Variants in NFIB observed in about 807,000 individuals in gnomAD.
NFIB encodes nuclear factor 1 B-type.
NFIB carries 11 observed loss-of-function variants against 61.5 expected under a neutral mutation model. The observed-to-expected ratio is 0.18, with a 90% CI of 0.11 to 0.30. The LOEUF (loss-of-function observed/expected upper bound fraction) is 0.30, where lower values mean the gene tolerates loss of function less well. Ranked by LOEUF, NFIB falls within the 10% of genes least tolerant of loss-of-function variation. The pLI, the probability that NFIB is intolerant of heterozygous loss-of-function variation, is 1.00. For missense variants in NFIB, 471 were observed against 608.9 expected, an observed-to-expected ratio of 0.77 and a Z score of 2.38; for synonymous variants, 260 against 216.5, an observed-to-expected ratio of 1.20 and a Z score of -1.76.
the NFIB span, among the ~76,000 whole-genome samples, chr9:14,453,779 A>G: frequency 6.6e-6 from 1 of 152,178 alleles, no homozygotes; most frequent in African/African-American, 2.4e-5. Flanking sequence ...AAATTTTTAT[A>G]ACAAAAAGAA....
At chr9:14,279,741 T>G (rs1338660379) in intron 2 of NFIB, among the ~76,000 whole-genome samples, 1 of 152,218 alleles carries the variant, frequency 6.6e-6, no homozygotes, top group African/African-American at 2.4e-5. Context: ...TATCTTATTA[T>G]GAACTGGTTG....
chr9:14,531,627 C>T, the NFIB span, among the ~76,000 whole-genome samples: 11 of 151,908 alleles, frequency 7.2e-5, no homozygotes, highest in Admixed American at 6.6e-4. Context: ...CTGACTGCCC[C>T]ACCTCCATCT....
At chr9:14,229,862 C>T (rs1057129136) in intron 2 of NFIB, among the ~76,000 whole-genome samples, 12 of 152,168 alleles carry the variant, frequency 7.9e-5, no homozygotes, top group Admixed American at 2.0e-4. Context: ...GATGCAATGG[C>T]GCGATCTCGG....
chr9:14,485,851 G>C, the NFIB span, among the ~76,000 whole-genome samples: 7 of 151,836 alleles, frequency 4.6e-5, no homozygotes, highest in South Asian at 1.5e-3. Context: ...CTCCAGCCTG[G>C]GTGACAGAGT....
chr9:14,277,238 A>C (rs989602904), intron 2 of NFIB, among the ~76,000 whole-genome samples: 4 of 152,174 alleles, frequency 2.6e-5, no homozygotes, highest in Non-Finnish European at 5.9e-5. Flanking sequence ...GAAATCCTCA[A>C]ATCCTCCAAA....
At chr9:14,115,742 A>G (rs1337537343) in intron 9 of NFIB, among the ~76,000 whole-genome samples, 1 of 152,210 alleles carries the variant, frequency 6.6e-6, no homozygotes. Context: ...CATAACCTAC[A>G]ATGATGTAAA....
chr9:14,436,640 A>G, the NFIB span, among the ~76,000 whole-genome samples: 2 of 152,224 alleles, frequency 1.3e-5, no homozygotes, highest in Non-Finnish European at 2.9e-5. Flanking sequence ...GGAAAAACCC[A>G]TGGGACCAAA....
At chr9:14,243,605 A>G (rs974751472) in intron 2 of NFIB, among the ~76,000 whole-genome samples, 1 of 117,354 alleles carries the variant, frequency 8.5e-6, no homozygotes, top group Non-Finnish European at 2.2e-5. Context: ...CTAATTGGGT[A>G]TTTTTTAAAA....
chr9:14,148,354 T>A (rs1209195542), intron 5 of NFIB, among the ~76,000 whole-genome samples: 1 of 152,074 alleles, frequency 6.6e-6, no homozygotes, highest in Non-Finnish European at 1.5e-5. Context: ...GTTCAAGTGA[T>A]CCTCCTGCCT....
chr9:14,122,674 T>C (rs1426940242), intron 7 of NFIB, among the ~76,000 whole-genome samples: 1 of 152,218 alleles, frequency 6.6e-6, no homozygotes, highest in African/African-American at 2.4e-5. Flanking sequence ...ATTTTAACCA[T>C]GATTTTTGCT....
chr9:14,133,335 T>C (rs1431405441), intron 6 of NFIB, among the ~76,000 whole-genome samples: 1 of 152,112 alleles, frequency 6.6e-6, no homozygotes, highest in Non-Finnish European at 1.5e-5. Flanking sequence ...AAGAGAAAAA[T>C]GAGCTTTAGC....
the NFIB span, among the ~76,000 whole-genome samples, chr9:14,465,391 G>T: frequency 6.6e-6 from 1 of 152,072 alleles, no homozygotes; most frequent in Non-Finnish European, 1.5e-5. Context: ...TAAATGGGAA[G>T]AACATATTTC....
chr9:14,220,027 G>A lies in NFIB; in HGVS notation c.563-40247C>T, dbSNP rs143301210. Among the ~76,000 whole-genome samples, 670 of 152,164 alleles carry A rather than the reference G, an allele frequency of 4.4e-3. 5 individuals are homozygous for A. The highest frequency in any genetic ancestry group is 0.015 in the African/African-American group (629 of 41,520). On this transcript the variant is annotated intron_variant, in intron 2 of 10. Transcript: ENST00000380953. ...GAGCGCATCAAAGCAACAGGCCCTC[G>A]TCCCTGGTAAACTGTAATCTAGGCG...
rs553562843 is a variant in NFIB at position 14,264,603 on chromosome 9, T to C, written c.562+42386A>G. Among the ~76,000 whole-genome samples, 9 of 152,286 alleles carry C rather than the reference T, an allele frequency of 5.9e-5. No homozygotes were observed. The South Asian group carries it at 1.9e-3, about 32-fold the overall frequency. ...ACCCAGATTACAGTAAGACAAAACT[T>C]TGCATTAACCATTCAAAGGGTCCGA... On this transcript the variant is annotated intron_variant, in intron 2 of 10. Transcript: ENST00000380953.
In NFIB at chr9:14,341,830, C is replaced by A. The variant is rs191861665; in HGVS notation, c.109-34310G>T. On this transcript the variant is annotated intron_variant, in intron 1 of 8. Transcript: ENST00000380934. ...AAAGAGAGGGAATCTCAGCAACAGT[C>A]GGGCTAGGACAGGCATCTCCATCAG... 7.2e-5 allele frequency among the ~76,000 whole-genome samples: 11 copies of A among 151,934 alleles called. No individual in the cohort carries two copies. In the East Asian group the frequency reaches 2.1e-3, roughly 30 times the overall value.
chr9:14,320,554 ACT>A (rs2060636814), intron 1 of NFIB, among the ~76,000 whole-genome samples: 1 of 152,042 alleles, frequency 6.6e-6, no homozygotes, highest in African/African-American at 2.4e-5. Context: ...TGTTTCACAA[ACT>A]CTTTGCAGTT....
At chr9:14,420,013 C>G in the NFIB span, among the ~76,000 whole-genome samples, 1 of 152,112 alleles carries the variant, frequency 6.6e-6, no homozygotes, top group African/African-American at 2.4e-5. Context: ...AGGTTGGGGA[C>G]AGGACCTGAT....
At chr9:14,208,439 T>C (rs778115654) in intron 2 of NFIB, among the ~76,000 whole-genome samples, 3 of 152,180 alleles carry the variant, frequency 2.0e-5, no homozygotes, top group African/African-American at 4.8e-5. Context: ...AGAAATTACT[T>C]TATGTCTCAA....
At chr9:14,145,410 A>G (rs2042175339) in intron 6 of NFIB, among the ~76,000 whole-genome samples, 1 of 152,156 alleles carries the variant, frequency 6.6e-6, no homozygotes, top group African/African-American at 2.4e-5. Context: ...TAAAGGAGGT[A>G]CACTTGACTC....
Sources: gnomAD v4.1 joint callset for allele counts (sites outside exome capture counted in the v4.1 genomes callset) on GRCh38, gnomAD v4.1.1 for gene constraint, MANE v1.5 for transcripts, NCBI Gene and HGNC (gene_info 2026-07-23, HGNC 2026-07-21) for gene names.